The following LMX1B variants were observed in gnomAD, a reference collection of about 807,000 sequenced individuals.
The protein encoded by LMX1B is LIM homeobox transcription factor 1-beta.
LMX1B carries 12 observed loss-of-function variants against 51.4 expected under a neutral mutation model. That is an observed-to-expected ratio of 0.23 (90% CI 0.15 to 0.38). The LOEUF is 0.38. Ranked by LOEUF, LMX1B falls within the 10% of genes least tolerant of loss-of-function variation. LMX1B has a pLI of 1.00. For synonymous variants in LMX1B, 237 were observed against 235.4 expected, an observed-to-expected ratio of 1.01 and a Z score of -0.06; for missense variants, 445 against 571.1, an observed-to-expected ratio of 0.78 and a Z score of 2.25.
At chr9:126,648,510 G>A (rs1030913154) in intron 2 of LMX1B, among the ~76,000 whole-genome samples, 3 of 152,192 alleles carry the variant, frequency 2.0e-5, no homozygotes, top group Non-Finnish European at 4.4e-5. Flanking sequence ...CCCAGGGCAG[G>A]TGACTTGGCT....
At chr9:126,632,130 G>A (rs750202111) in intron 2 of LMX1B, among the ~76,000 whole-genome samples, 12 of 152,190 alleles carry the variant, frequency 7.9e-5, no homozygotes, top group Non-Finnish European at 1.6e-4. Context: ...CAAAATGCAC[G>A]TAAAGAACCT....
chr9:126,676,158 G>A lies in LMX1B; in HGVS notation c.327-14678G>A, dbSNP rs137964373. On this transcript the variant is annotated intron_variant, in intron 2 of 7. Transcript: ENST00000373474. ...TGCTCCAGGCACCCGCCCTTCCCTC[G>A]CAACCCTCTGCACCTTTTATTTCTC... 3.6e-3 allele frequency among the ~76,000 whole-genome samples: 550 copies of A among 151,732 alleles called. 6 individuals carry two copies. Among genetic ancestry groups the A allele is most frequent in the African/African-American group, 0.013 (531 of 41,348 alleles).
At chr9:126,652,387 TG>T (rs1259982651) in intron 2 of LMX1B, among the ~76,000 whole-genome samples, 1 of 152,050 alleles carries the variant, frequency 6.6e-6, no homozygotes, top group African/African-American at 2.4e-5. Flanking sequence ...CCTTATCAGC[TG>T]GGGGTTTGTT....
chr9:126,648,336 G>A (rs1835940660), intron 2 of LMX1B, among the ~76,000 whole-genome samples: 1 of 152,148 alleles, frequency 6.6e-6, no homozygotes, highest in African/African-American at 2.4e-5. Flanking sequence ...TCGAAGGCAG[G>A]TCCCAGCCCT....
At chr9:126,642,859 A>ACAGGGACCCCGTC (rs1253412537) in intron 2 of LMX1B, among the ~76,000 whole-genome samples, 8 of 152,194 alleles carry the variant, frequency 5.3e-5, no homozygotes, top group Admixed American at 4.6e-4. Flanking sequence ...CTGGTTGTGG[A>ACAGGGACCCCGTC]CAGGGACCCC....
intron 2 of LMX1B, among the ~76,000 whole-genome samples, chr9:126,682,751 C>A (rs1475418905): frequency 1.3e-5 from 2 of 152,048 alleles, no homozygotes; most frequent in African/African-American, 4.8e-5. Flanking sequence ...AAATATTAGC[C>A]GGGCGCGGTG....
intron 2 of LMX1B, among the ~76,000 whole-genome samples, chr9:126,652,075 C>T (rs1005770032): frequency 5.3e-5 from 8 of 151,956 alleles, no homozygotes; most frequent in Non-Finnish European, 7.4e-5. Flanking sequence ...AGGCAGGGTC[C>T]TCACAACAGA....
intron 2 of LMX1B, among the ~76,000 whole-genome samples, chr9:126,627,903 A>G (rs1835564159): frequency 6.6e-6 from 1 of 152,172 alleles, no homozygotes; most frequent in Admixed American, 6.5e-5. Flanking sequence ...ACCCTCTCCC[A>G]GACTCTGGCT....
chr9:126,666,568 T>TTAAAA (rs112976427), intron 2 of LMX1B, among the ~76,000 whole-genome samples: 65,994 of 151,578 alleles, frequency 0.44, 14,481 homozygotes, highest in East Asian at 0.53. Context: ...AAACAGGTTG[T>TTAAAA]TAATAGCAAT....
rs1035688495 is a variant in LMX1B, at chr9:126,673,663, G to A, written c.327-17173G>A. Among the ~76,000 whole-genome samples the A allele has an allele frequency of 3.9e-5, 6 of 152,138 alleles. No individual in the cohort carries two copies. The highest frequency in any genetic ancestry group is 6.5e-5 in the Admixed American group (1 of 15,286). On this transcript the variant is annotated intron_variant, in intron 2 of 7. Coordinates refer to ENST00000373474, the MANE Select transcript of LMX1B (RefSeq NM_001174147.2). This position sits in a 1 kb window ranked among gnomAD's most constrained non-coding sequence, Gnocchi z 4.4. ...TCTGGGCAGAGAGGGGGCATCGGGGGCATGGCTAGGGGCCAGCACTGTGCT... is the reference window on the plus strand; with the variant it reads ...TCTGGGCAGAGAGGGGGCATCGGGGACATGGCTAGGGGCCAGCACTGTGCT...
intron 2 of LMX1B, among the ~76,000 whole-genome samples, chr9:126,635,652 C>T (rs1047822104): frequency 1.3e-5 from 2 of 152,172 alleles, no homozygotes; most frequent in East Asian, 1.9e-4. Flanking sequence ...TTCCAGCAAA[C>T]GGGGAAATGA....
chr9:126,691,185 G>A, intron 3 of LMX1B, 117 bp downstream of exon 3: 2 of 718,128 alleles, frequency 2.8e-6, no homozygotes, highest in Non-Finnish European at 4.8e-6. Context: ...GCTGCACACA[G>A]ATGGTACATG....
At chr9:126,619,144 C>T (rs1835361244) in intron 2 of LMX1B, among the ~76,000 whole-genome samples, 1 of 152,348 alleles carries the variant, frequency 6.6e-6, no homozygotes, top group African/African-American at 2.4e-5. Flanking sequence ...ACAGAAAGCC[C>T]TCTTGAGTCC....
chr9:126,624,698 G>A (rs1157354855), intron 2 of LMX1B, among the ~76,000 whole-genome samples: 1 of 151,820 alleles, frequency 6.6e-6, no homozygotes, highest in Non-Finnish European at 1.5e-5. Context: ...TTTGCAGGGG[G>A]GAAATGTGGT....
intron 2 of LMX1B, among the ~76,000 whole-genome samples, chr9:126,621,655 C>CTTTTT (rs71377950): frequency 2.6e-5 from 3 of 116,904 alleles, no homozygotes; most frequent in African/African-American, 1.2e-4. Flanking sequence ...TCTCTCTCTT[C>CTTTTT]TTTTTTTTTT....
Position 126,614,049 on chromosome 9 carries a change from C to A in LMX1B, c.-401C>A, listed in dbSNP as rs1278101195. 7.3e-6 allele frequency among the ~76,000 whole-genome samples: 1 copy of A among 137,550 alleles called. No individual in the cohort carries two copies. Among genetic ancestry groups the A allele is most frequent in the African/African-American group, 2.6e-5 (1 of 38,740 alleles). The allele number at this position is 137,550 out of a possible 152,430, so 90.2% of individuals were successfully genotyped here. ...CCGGGACCCCGCTGCGCCGCGCGCC[C>A]CCCCCGCGGCCCGCGGGGCCGCCCC... is the stretch of plus-strand genomic sequence containing the variant. On this transcript the variant is annotated 5_prime_UTR_variant, in exon 1 of 8. Transcript: ENST00000373474.
chr9:126,696,620 G>C lies in LMX1B; in HGVS notation c.*169G>C. On this transcript the variant is annotated 3_prime_UTR_variant, in exon 8 of 8. Transcript: ENST00000373474. ...CCACTGTGCCCGTTGGGTACAGCCA[G>C]ACCGGTAGATGGGCACAGCCTGGGC... 1.4e-6 allele frequency: 1 copy of C among 694,620 alleles called. No homozygotes were observed. The highest frequency in any genetic ancestry group is 1.8e-5 in the South Asian group (1 of 56,554). 43.0% of individuals were successfully genotyped at this position (694,620 alleles called of 1,614,324 possible). A position where few individuals can be genotyped will look rare whatever the true frequency, so the allele number is the denominator to read the frequency against.
chr9:126,634,078 A>T (rs1231965383), intron 2 of LMX1B, among the ~76,000 whole-genome samples: 1 of 152,178 alleles, frequency 6.6e-6, no homozygotes, highest in African/African-American at 2.4e-5. Flanking sequence ...AAGGAAGCCC[A>T]GCTCACTCAT....
rs1021375705 is a variant in LMX1B, at chr9:126,677,161, G to A, written c.327-13675G>A. Among the ~76,000 whole-genome samples the A allele has an allele frequency of 6.6e-6, 1 of 152,154 alleles. No homozygotes were observed. Among genetic ancestry groups the A allele is most frequent in the Non-Finnish European group, 1.5e-5 (1 of 68,018 alleles). ...CCCTTTGCCCGTCCCCAGCCAGAGCGCAGGAGACCCAGGGATGTGGTCCCC... is the reference window on the plus strand; with the variant it reads ...CCCTTTGCCCGTCCCCAGCCAGAGCACAGGAGACCCAGGGATGTGGTCCCC... On this transcript the variant is annotated intron_variant, in intron 2 of 7. Transcript: ENST00000373474. The surrounding 1 kb of genome is among the most constrained non-coding windows in gnomAD (Gnocchi z 5.0).
Sources: gnomAD v4.1 joint callset for allele counts (sites outside exome capture counted in the v4.1 genomes callset) on GRCh38, gnomAD v4.1.1 for gene constraint, Gnocchi (gnomAD v3.1) non-coding constraint, MANE v1.5 for transcripts, NCBI Gene and HGNC (gene_info 2026-07-23, HGNC 2026-07-21) for gene names.